The following CRTC3 variants were observed in gnomAD, a reference collection of about 807,000 sequenced individuals.
CRTC3 encodes CREB-regulated transcription coactivator 3.
A neutral mutation model predicts 74.5 loss-of-function variants in CRTC3; 26 were observed. That is an observed-to-expected ratio of 0.35 (90% confidence interval 0.26 to 0.48). The LOEUF (loss-of-function observed/expected upper bound fraction) is 0.48, where lower values mean the gene tolerates loss of function less well. Among genes scored for constraint, CRTC3 ranks in the 20% least tolerant of loss-of-function variants. The pLI is 0.99. For synonymous variants in CRTC3, 377 were observed against 325.8 expected (o/e 1.16, Z -1.69); for missense variants, 760 against 787.3 (o/e 0.97, Z 0.41).
At chr15:90,578,599 G>C (rs1349851324) in intron 2 of CRTC3, among the ~76,000 whole-genome samples, 2 of 152,010 alleles carry the variant, frequency 1.3e-5, no homozygotes, top group South Asian at 2.1e-4. Flanking sequence ...TGCATGTATA[G>C]AGTTATATTA....
intron 2 of CRTC3, among the ~76,000 whole-genome samples, chr15:90,585,588 C>T (rs1227270747): frequency 6.6e-6 from 1 of 152,130 alleles, no homozygotes; most frequent in Admixed American, 6.5e-5. Flanking sequence ...GAATGAGGCT[C>T]GGGATCCTGA....
chr15:90,619,008 G>A (rs1284182792), intron 8 of CRTC3, among the ~76,000 whole-genome samples: 1 of 152,126 alleles, frequency 6.6e-6, no homozygotes, highest in Non-Finnish European at 1.5e-5. Flanking sequence ...CTTGGTTCTT[G>A]TGGATTTGTA....
chr15:90,629,372 T>G lies in CRTC3; in HGVS notation c.1106T>G (p.Leu369Arg), dbSNP rs1187409264. The part of the protein sequence containing the change: ...ALHPSLRLFS[L>R]SNPSLSTTNL... ...CACCCTTCGCTCCGTCTGTTTTCCC[T>G]TAGCAACCCATCTCTTTCCACCACA... is the stretch of plus-strand genomic sequence containing the variant. The change falls in exon 11 of 15, where the codon CTT (leucine) becomes CGT (arginine). Residue 369 changes from leucine to arginine, a missense_variant. By Grantham distance (102) the Leu-to-Arg change is moderately radical (BLOSUM62 -2). Coordinates refer to ENST00000268184, the MANE Select transcript of CRTC3 (RefSeq NM_022769.5). The G allele has an allele frequency of 6.2e-7, 1 of 1,614,076 alleles. No homozygotes were observed. Among genetic ancestry groups the G allele is most frequent in the East Asian group, 2.2e-5 (1 of 44,880 alleles).
At chr15:90,592,925 G>C (rs1185848599) in intron 2 of CRTC3, among the ~76,000 whole-genome samples, 1 of 152,160 alleles carries the variant, frequency 6.6e-6, no homozygotes, top group Non-Finnish European at 1.5e-5. Flanking sequence ...GGCTGAGGTG[G>C]GCTGATCACC....
chr15:90,545,391 G>T (rs1234541783), intron 2 of CRTC3, among the ~76,000 whole-genome samples: 2 of 137,888 alleles, frequency 1.5e-5, no homozygotes, highest in African/African-American at 5.4e-5. Flanking sequence ...TATGACAATT[G>T]TGGTTTTAAT....
chr15:90,552,370 C>A (rs1017380392), intron 2 of CRTC3, among the ~76,000 whole-genome samples: 3 of 152,254 alleles, frequency 2.0e-5, no homozygotes, highest in Admixed American at 6.5e-5. Flanking sequence ...AGTCACAGAT[C>A]AGAGAGTCTC....
intron 1 of CRTC3, among the ~76,000 whole-genome samples, chr15:90,535,141 A>T (rs1018093514): frequency 1.3e-5 from 2 of 148,660 alleles, no homozygotes; most frequent in African/African-American, 2.5e-5. Context: ...AACCTGGGCA[A>T]CAAGAGCGAA....
intron 7 of CRTC3, among the ~76,000 whole-genome samples, chr15:90,616,761 G>A (rs1440479145): frequency 1.3e-5 from 2 of 152,234 alleles, no homozygotes; most frequent in East Asian, 1.9e-4. Flanking sequence ...GACTGAGAGA[G>A]TTAAAGCAGA....
chr15:90,560,031 G>T (rs982299179), intron 2 of CRTC3, among the ~76,000 whole-genome samples: 4 of 152,064 alleles, frequency 2.6e-5, no homozygotes, highest in Non-Finnish European at 5.9e-5. Flanking sequence ...TTATCAAATT[G>T]TAGGAGTTCT....
At chr15:90,626,611 C>CTTTTT (rs922457681) in intron 10 of CRTC3, among the ~76,000 whole-genome samples, 4 of 133,424 alleles carry the variant, frequency 3.0e-5, no homozygotes, top group African/African-American at 1.2e-4. Context: ...AAGCCTGACA[C>CTTTTT]TTTTTTTTTT....
intron 6 of CRTC3, among the ~76,000 whole-genome samples, chr15:90,612,612 C>A (rs760078020): frequency 6.6e-6 from 1 of 151,850 alleles, no homozygotes; most frequent in African/African-American, 2.4e-5. Context: ...GCACGCCATA[C>A]CAGATTGCTA....
chr15:90,574,596 G>C (rs957613167), intron 2 of CRTC3, among the ~76,000 whole-genome samples: 5 of 152,188 alleles, frequency 3.3e-5, no homozygotes, highest in Non-Finnish European at 7.3e-5. Flanking sequence ...TGGGGCACAA[G>C]CATATGCATG....
rs115497963 is a variant in CRTC3 at position 90,643,894 on chromosome 15, A to G, written c.*1754A>G. On this transcript the variant is annotated 3_prime_UTR_variant, in exon 15 of 15. Transcript: ENST00000268184. ...CCACCCAGAGGAGCAAGGCTGTACA[A>G]TGAGGGTCTGAATCTGGCACACCTG... 1 of 232,606 alleles carries G rather than the reference A, an allele frequency of 4.3e-6. No homozygotes were observed. Among genetic ancestry groups the G allele is most frequent in the African/African-American group, 2.2e-5 (1 of 45,408 alleles). 14.4% of individuals were successfully genotyped at this position (232,606 alleles called of 1,614,324 possible).
At chr15:90,631,962 G>A (rs189224630) in intron 11 of CRTC3, among the ~76,000 whole-genome samples, 21 of 151,462 alleles carry the variant, frequency 1.4e-4, no homozygotes, top group African/African-American at 4.6e-4. Context: ...GTGCAGTGGC[G>A]CGATCACAGC....
chr15:90,602,335 T>G lies in CRTC3; in HGVS notation c.363T>G (p.Ser121Arg). The G allele has an allele frequency of 1.3e-6, 2 of 1,590,580 alleles. No individual in the cohort carries two copies. The highest frequency in any genetic ancestry group is 8.6e-7 in the Non-Finnish European group (1 of 1,159,404). The part of the protein sequence containing the change: ...GDKPGRQFDG[S>R]AFGANYSSQP... ...ATTAAAAATTCTACTTTGATGGTAG[T>G]GCTTTTGGAGCCAATTATTCCTCAC... Residue 121 changes from serine to arginine, a missense_variant, in exon 4 of 15, where the codon AGT (serine) becomes AGG (arginine). This residue lies in a region of CRTC3 where 652 missense variants were observed against 635.2 expected (regional missense o/e 1.03). Transcript: ENST00000268184.
At chr15:90,607,507 A>G in intron 6 of CRTC3, 29 bp downstream of exon 6, 5 of 1,366,630 alleles carry the variant, frequency 3.7e-6, no homozygotes, top group Admixed American at 3.5e-5. Context: ...TGCTGACAGC[A>G]GCTGTGCTTG....
intron 2 of CRTC3, among the ~76,000 whole-genome samples, chr15:90,551,338 TG>T (rs1171335855): frequency 5.2e-5 from 2 of 38,532 alleles, no homozygotes; most frequent in Non-Finnish European, 1.1e-4. Context: ...TCTTTTTTTC[TG>T]TGCTTCTTAC....
intron 4 of CRTC3, 90 bp downstream of exon 4, chr15:90,602,475 TCTAATATAAAGC>T: frequency 1.3e-6 from 1 of 774,334 alleles, no homozygotes; most frequent in Non-Finnish European, 2.2e-6. Context: ...TTTAGAAATT[TCTAATATAAAGC>T]ATAGAATCCT....
chr15:90,619,035 G>A lies in CRTC3; in HGVS notation c.700-706G>A, dbSNP rs74588896. Among the ~76,000 whole-genome samples the A allele has an allele frequency of 5.6e-3, 847 of 152,256 alleles. 6 individuals carry two copies. Among genetic ancestry groups the A allele is most frequent in the African/African-American group, 0.02 (815 of 41,546 alleles). ...GGATTTGTAATACTCATTCCTGTCC[G>A]TCTGGAGCTTATATTCTAGTTGAAA... On this transcript the variant is annotated intron_variant, in intron 8 of 14. Coordinates refer to ENST00000268184, the MANE Select transcript of CRTC3 (RefSeq NM_022769.5).
Sources: allele counts gnomAD v4.1 joint callset (sites outside exome capture counted in the v4.1 genomes callset), GRCh38; gene constraint gnomAD v4.1.1; regional missense constraint gnomAD v4.1.1; transcripts MANE v1.5; gene names NCBI Gene and HGNC (gene_info 2026-07-23, HGNC 2026-07-21).